The following UNC13C variants were observed in gnomAD, a reference collection of about 807,000 sequenced individuals.
UNC13C encodes the protein protein unc-13 homolog C.
UNC13C carries 174 observed loss-of-function variants against 245.4 expected under a neutral mutation model. The observed-to-expected ratio is 0.71, with a 90% CI of 0.63 to 0.80. The LOEUF is 0.80. Ranked by LOEUF, UNC13C falls within the 30% of genes least tolerant of loss-of-function variation. The pLI, the probability that UNC13C is intolerant of heterozygous loss-of-function variation, is 0.00. For synonymous variants in UNC13C, 992 were observed against 895.1 expected (o/e 1.11, Z -1.93); for missense variants, 2,829 against 2,602.9 (o/e 1.09, Z -1.89).
At chr15:53,976,477 C>CTCTTTTTTTTTTTTTTT (rs1325952003), upstream of UNC13C, among the ~76,000 whole-genome samples, 1 of 63,024 alleles carries the variant, frequency 1.6e-5, no homozygotes, top group Non-Finnish European at 2.8e-5. Context: ...CTCTCTCTCT[C>CTCTTTTTTTTTTTTTTT]TTTTTTTTTT....
intron 19 of UNC13C, among the ~76,000 whole-genome samples, chr15:54,448,890 C>T (rs144711361): frequency 3.7e-4 from 57 of 152,266 alleles, no homozygotes; most frequent in African/African-American, 1.3e-3. Context: ...TACAATTTGA[C>T]ATGTTTTTGC....
intron 23 of UNC13C, among the ~76,000 whole-genome samples, chr15:54,509,016 A>G (rs1011808327): frequency 1.2e-4 from 19 of 152,166 alleles, no homozygotes; most frequent in African/African-American, 4.3e-4. Context: ...CCTGGCCAAC[A>G]TGGTGAAACC....
At chr15:54,163,975 A>G (rs2033069730) in intron 4 of UNC13C, among the ~76,000 whole-genome samples, 2 of 152,180 alleles carry the variant, frequency 1.3e-5, no homozygotes, top group Admixed American at 1.3e-4. Context: ...TATGGCTGTA[A>G]TAGCATTTGG....
intron 2 of UNC13C, among the ~76,000 whole-genome samples, chr15:54,107,486 A>G (rs1298526283): frequency 6.6e-6 from 1 of 152,214 alleles, no homozygotes; most frequent in East Asian, 1.9e-4. Context: ...AGAGTCTAAT[A>G]TAAAGATGAT....
intron 10 of UNC13C, among the ~76,000 whole-genome samples, chr15:54,289,276 G>T (rs530916777): frequency 6.0e-4 from 92 of 152,120 alleles, no homozygotes; most frequent in Middle Eastern, 3.4e-3. Flanking sequence ...ATTCTTGAAA[G>T]GGGGAAACAT....
At chr15:54,231,446 C>T (rs1385806040) in intron 4 of UNC13C, among the ~76,000 whole-genome samples, 1 of 151,948 alleles carries the variant, frequency 6.6e-6, no homozygotes, top group African/African-American at 2.4e-5. Flanking sequence ...CAAACCTTGG[C>T]ACTGCCATTT....
intron 26 of UNC13C, among the ~76,000 whole-genome samples, chr15:54,539,050 T>C (rs1231096576): frequency 6.6e-6 from 1 of 152,064 alleles, no homozygotes; most frequent in African/African-American, 2.4e-5. Flanking sequence ...ATTAAACTTA[T>C]TTAGTGCATT....
chr15:54,455,298 G>A (rs528928031), intron 19 of UNC13C, among the ~76,000 whole-genome samples: 5 of 141,620 alleles, frequency 3.5e-5, no homozygotes, highest in African/African-American at 7.8e-5. Flanking sequence ...TTTTGCAATC[G>A]CAAATTGTGC....
chr15:54,426,554 C>A (rs1176346641), intron 19 of UNC13C, among the ~76,000 whole-genome samples: 1 of 151,288 alleles, frequency 6.6e-6, no homozygotes, highest in African/African-American at 2.4e-5. Context: ...GAACTCATAA[C>A]TTTTGTTGTA....
Position 54,014,650 on chromosome 15 carries a change from G to A in UNC13C, c.1747G>A (p.Asp583Asn), listed in dbSNP as rs1220853951. The change falls in exon 2 of 33, where the codon GAC becomes AAC. Residue 583 changes from aspartate (D) to asparagine (N), a missense_variant. Transcript: ENST00000260323. ...TNGSSLLSSS[D>N]RELWQRKQEG... ...TGGAAGCTCTCTCCTGTCATCTTCGGACCGGGAGCTATGGCAGAGGAAACA... is the reference window on the plus strand; with the variant it reads ...TGGAAGCTCTCTCCTGTCATCTTCGAACCGGGAGCTATGGCAGAGGAAACA... The A allele has an allele frequency of 6.2e-7, 1 of 1,613,588 alleles. No individual in the cohort carries two copies. The highest frequency in any genetic ancestry group is 8.5e-7 in the Non-Finnish European group (1 of 1,179,774).
chr15:54,014,004 A>G lies in UNC13C; in HGVS notation c.1101A>G (p.Arg367=). 6.2e-7 allele frequency: 1 copy of G among 1,613,832 alleles called. No individual in the cohort carries two copies. The highest frequency in any genetic ancestry group is 1.1e-5 in the South Asian group (1 of 91,080). ...TTGCTCAGAGGATAGGACACCAGAG[A>G]GACTGCCCAAATGCAAAGCCTCGAC... ...IEFAQRIGHQ[R]DCPNAKPRPI... is the part of the protein sequence containing the mutation. The change falls in exon 2 of 33, where the codon AGA becomes AGG. Residue 367 remains arginine, a synonymous_variant. Coordinates refer to ENST00000260323, the MANE Select transcript of UNC13C (RefSeq NM_001080534.3).
chr15:54,341,975 CAAA>C (rs56264981), intron 17 of UNC13C, among the ~76,000 whole-genome samples: 5 of 126,844 alleles, frequency 3.9e-5, no homozygotes, highest in Admixed American at 7.4e-5. Flanking sequence ...GACTCTGTCT[CAAA>C]AAAAAAAAAA....
chr15:54,499,937 C>A (rs1894125159), intron 20 of UNC13C, 142 bp from the exon 21 acceptor site: 3 of 633,026 alleles, frequency 4.7e-6, no homozygotes, highest in African/African-American at 1.9e-5. Flanking sequence ...AGGTAAAGGT[C>A]TCTGAGGAAG....
At chr15:54,560,391 C>G (rs921889379) in intron 29 of UNC13C, among the ~76,000 whole-genome samples, 9 of 151,330 alleles carry the variant, frequency 5.9e-5, no homozygotes, top group Admixed American at 2.0e-4. Context: ...AATAGCTTGC[C>G]AAGCATGCAG....
At chr15:53,855,116 G>T in the UNC13C span, among the ~76,000 whole-genome samples, 1 of 152,144 alleles carries the variant, frequency 6.6e-6, no homozygotes, top group South Asian at 2.1e-4. Context: ...TGGTGTATAG[G>T]AATGCTTGTG....
intron 1 of UNC13C, among the ~76,000 whole-genome samples, chr15:53,989,415 A>AAT (rs1894285259): frequency 6.6e-6 from 1 of 151,992 alleles, no homozygotes; most frequent in Non-Finnish European, 1.5e-5. Context: ...TAAAAAAAAA[A>AAT]AGAAAAAATA....
Position 54,250,335 on chromosome 15 carries a change from G to C in UNC13C, c.3339G>C (p.Glu1113Asp). Reference protein sequence around the residue: ...WTATTPTYCYECEGLLWGIAR... With the variant: ...WTATTPTYCYDCEGLLWGIAR... ...CTACCACACCCACCTACTGTTATGA[G>C]TGTGAAGGGCTCCTGTGGGGCATTG... Residue 1113 changes from glutamate to aspartate, a missense_variant, in exon 8 of 33, where the codon GAG becomes GAC. Physicochemically the swap from Glu to Asp is conservative, Grantham distance 45 (BLOSUM62 2). Coordinates refer to ENST00000260323, the MANE Select transcript of UNC13C (RefSeq NM_001080534.3). 6.2e-7 allele frequency: 1 copy of C among 1,613,932 alleles called. No homozygotes were observed. Among genetic ancestry groups the C allele is most frequent in the Non-Finnish European group, 8.5e-7 (1 of 1,179,876 alleles).
chr15:54,039,102 T>A (rs1896708837), intron 2 of UNC13C, among the ~76,000 whole-genome samples: 1 of 152,232 alleles, frequency 6.6e-6, no homozygotes, highest in African/African-American at 2.4e-5. Flanking sequence ...TTAGAAGACA[T>A]TGTGCCCCCT....
intron 13 of UNC13C, among the ~76,000 whole-genome samples, chr15:54,300,797 TTTGTCCAAGGTCACAAAGCCTG>T (rs1365200920): frequency 2.6e-5 from 4 of 152,122 alleles, no homozygotes; most frequent in Non-Finnish European, 4.4e-5. Context: ...AAAGCCCTGG[TTTGTCCAAGGTCACAAAGCCTG>T]TTAGTGAGAG....
Sources: allele counts gnomAD v4.1 joint callset (sites outside exome capture counted in the v4.1 genomes callset), GRCh38; gene constraint gnomAD v4.1.1; transcripts MANE v1.5; gene names NCBI Gene and HGNC (gene_info 2026-07-23, HGNC 2026-07-21).